The following JARID2 variants were observed in gnomAD, a reference collection of about 807,000 sequenced individuals.
The protein encoded by JARID2 is jumonji and AT-rich interaction domain containing 2.
In JARID2, 21 loss-of-function variants were observed where a neutral mutation model predicts 125.6. The ratio of observed to expected loss-of-function variants is 0.17; its 90% CI spans 0.12 to 0.24. The LOEUF is 0.24. Ranked by LOEUF, JARID2 falls within the 10% of genes least tolerant of loss-of-function variation. JARID2 has a pLI of 1.00. For synonymous variants in JARID2, 736 were observed against 661.6 expected (o/e 1.11, Z -1.73); for missense variants, 1,303 against 1,639.6 (o/e 0.79, Z 3.55).
chr6:15,454,554 A>T (rs766022577), intron 4 of JARID2, among the ~76,000 whole-genome samples: 1 of 152,144 alleles, frequency 6.6e-6, no homozygotes. Flanking sequence ...CATGGCTCTA[A>T]GCAGCCTCGA....
At chr6:15,500,086 C>T (rs537212542) in intron 7 of JARID2, among the ~76,000 whole-genome samples, 256 of 152,310 alleles carry the variant, frequency 1.7e-3, no homozygotes, top group African/African-American at 6.0e-3. Context: ...TCCCCTACCC[C>T]CCTTCCTTTA....
chr6:15,408,350 C>A (rs1765735301), intron 2 of JARID2, among the ~76,000 whole-genome samples: 1 of 151,698 alleles, frequency 6.6e-6, no homozygotes, highest in African/African-American at 2.4e-5. Context: ...GTTCTTTAAC[C>A]AGCATTTTTA....
chr6:15,385,927 A>G (rs1019218115), intron 2 of JARID2, among the ~76,000 whole-genome samples: 6 of 152,152 alleles, frequency 3.9e-5, no homozygotes, highest in African/African-American at 7.2e-5. Flanking sequence ...ATGTCTCACT[A>G]TCATAGAGAT....
At chr6:15,287,481 A>G (rs1403329742) in intron 1 of JARID2, among the ~76,000 whole-genome samples, 2 of 152,262 alleles carry the variant, frequency 1.3e-5, no homozygotes, top group African/African-American at 4.8e-5. Context: ...GTAAATCAGT[A>G]TAAGAGTATT....
intron 3 of JARID2, among the ~76,000 whole-genome samples, chr6:15,433,792 A>G (rs955375820): frequency 6.6e-6 from 1 of 152,176 alleles, no homozygotes; most frequent in African/African-American, 2.4e-5. Context: ...TCTCCCTGAT[A>G]GTTCTTTTCT....
intron 13 of JARID2, among the ~76,000 whole-genome samples, chr6:15,511,973 CAG>C (rs1267082620): frequency 6.6e-6 from 1 of 152,206 alleles, no homozygotes; most frequent in African/African-American, 2.4e-5. Flanking sequence ...CACGTGGGGA[CAG>C]AGGGGCCTGT....
At position 15,448,423 on chromosome 6, in the gene JARID2, A is replaced by G. The variant is rs1767771568; in HGVS notation, c.324-3583A>G. Among the ~76,000 whole-genome samples, 3 of 152,080 alleles carry G rather than the reference A, an allele frequency of 2.0e-5. No individual in the cohort carries two copies. In the South Asian group the frequency reaches 6.2e-4, roughly 32 times the overall value. Reference sequence around the variant, plus strand: ...GTTTGTTTCTCATTGTCGCTGCACAATCTTCTCATCGTGTATAGGGTTTGT... The same window carrying G: ...GTTTGTTTCTCATTGTCGCTGCACAGTCTTCTCATCGTGTATAGGGTTTGT... On this transcript the variant is annotated intron_variant, in intron 3 of 17. Transcript: ENST00000341776.
intron 1 of JARID2, among the ~76,000 whole-genome samples, chr6:15,269,078 GA>G (rs1230366861): frequency 5.3e-5 from 8 of 152,166 alleles, no homozygotes; most frequent in Admixed American, 5.2e-4. Flanking sequence ...AAGATGTGCT[GA>G]ACCATCATGT....
chr6:15,396,224 A>AAAAC (rs2127548460), intron 2 of JARID2, among the ~76,000 whole-genome samples: 1 of 152,332 alleles, frequency 6.6e-6, no homozygotes, highest in East Asian at 1.9e-4. Context: ...ATATATATTG[A>AAAAC]ACCAAAATTT....
intron 1 of JARID2, among the ~76,000 whole-genome samples, chr6:15,349,682 AC>A (rs1763360300): frequency 6.6e-6 from 1 of 152,106 alleles, no homozygotes; most frequent in African/African-American, 2.4e-5. Flanking sequence ...GAGCAGAAAC[AC>A]CGAGCTTCCC....
At chr6:15,388,930 A>G (rs957609997) in intron 2 of JARID2, among the ~76,000 whole-genome samples, 3 of 151,844 alleles carry the variant, frequency 2.0e-5, no homozygotes, top group Non-Finnish European at 2.9e-5. Flanking sequence ...GTAATCCTTA[A>G]CTGAGTCCCT....
chr6:15,466,121 T>C (rs773653094), intron 4 of JARID2, among the ~76,000 whole-genome samples: 1 of 152,198 alleles, frequency 6.6e-6, no homozygotes, highest in Non-Finnish European at 1.5e-5. Flanking sequence ...TGTATTTTTA[T>C]ATTGCTCTCA....
Position 15,447,386 on chromosome 6 carries a change from A to AAT in JARID2, c.324-4619_324-4618insTA, listed in dbSNP as rs1554138010. Reference sequence around the variant, plus strand: ...ATCTCCTTGAAGAATTAATAAAAAAAACACATGAAAGTAAATTACACCATG... The same window carrying AAT: ...ATCTCCTTGAAGAATTAATAAAAAAAATACACATGAAAGTAAATTACACCATG... On this transcript the variant is annotated intron_variant, in intron 3 of 17. Transcript: ENST00000341776. Among the ~76,000 whole-genome samples the AAT allele has an allele frequency of 5.5e-3, 830 of 151,952 alleles. 5 individuals are homozygous for AAT. The highest frequency in any genetic ancestry group is 0.024 in the Middle Eastern group (7 of 292).
intron 16 of JARID2, among the ~76,000 whole-genome samples, chr6:15,516,086 C>G (rs529237121): frequency 6.6e-6 from 1 of 151,690 alleles, no homozygotes; most frequent in Non-Finnish European, 1.5e-5. Flanking sequence ...ATTACTAATA[C>G]ATTTGTGAAT....
chr6:15,290,727 T>A (rs1285658861), intron 1 of JARID2, among the ~76,000 whole-genome samples: 5 of 152,162 alleles, frequency 3.3e-5, no homozygotes, highest in African/African-American at 1.2e-4. Flanking sequence ...CATGCCATTC[T>A]CCTGCCTCAG....
intron 3 of JARID2, among the ~76,000 whole-genome samples, chr6:15,429,644 G>A (rs1011447666): frequency 3.3e-5 from 5 of 152,144 alleles, no homozygotes; most frequent in Admixed American, 3.3e-4. Context: ...CTGGTCTTTT[G>A]CACACTATCA....
At chr6:15,298,777 C>G (rs1435466876) in intron 1 of JARID2, among the ~76,000 whole-genome samples, 1 of 151,888 alleles carries the variant, frequency 6.6e-6, no homozygotes, top group Admixed American at 6.6e-5. Context: ...AGGATAATTG[C>G]CTTTTCCAGT....
intron 3 of JARID2, among the ~76,000 whole-genome samples, chr6:15,438,283 G>A (rs962801025): frequency 6.6e-6 from 1 of 152,142 alleles, no homozygotes; most frequent in African/African-American, 2.4e-5. Context: ...AGGGCATGTT[G>A]AGGCTGGCGG....
intron 1 of JARID2, among the ~76,000 whole-genome samples, chr6:15,259,521 C>T (rs1249508727): frequency 6.6e-6 from 1 of 152,182 alleles, no homozygotes; most frequent in African/African-American, 2.4e-5. Flanking sequence ...ATCTCCTTCT[C>T]AAACTGATGA....
Sources: gnomAD v4.1 joint callset for allele counts (sites outside exome capture counted in the v4.1 genomes callset) on GRCh38, gnomAD v4.1.1 for gene constraint, MANE v1.5 for transcripts, NCBI Gene and HGNC (gene_info 2026-07-23, HGNC 2026-07-21) for gene names.